Variants in CYP27B1 observed in about 807,000 individuals in gnomAD.
The protein encoded by CYP27B1 is cytochrome P450 family 27 subfamily B member 1, also known as 25-hydroxyvitamin D-1 alpha hydroxylase, mitochondrial.
Under a neutral mutation model 54.8 loss-of-function variants are expected in CYP27B1, and 46 were observed. The observed-to-expected ratio is 0.84, with a 90% confidence interval of 0.66 to 1.07. The LOEUF (loss-of-function observed/expected upper bound fraction) is 1.07, where lower values mean the gene tolerates loss of function less well. Ranked by LOEUF, CYP27B1 falls within the 50% of genes least tolerant of loss-of-function variation. The pLI, the probability that CYP27B1 is intolerant of heterozygous loss-of-function variation, is 0.00. For synonymous variants in CYP27B1, 292 were observed against 297.3 expected (o/e 0.98, Z 0.18); for missense variants, 674 against 692.2 (o/e 0.97, Z 0.30).
chr12:57,764,547 A>C lies in CYP27B1; in HGVS notation c.967T>G (p.Ser323Ala), dbSNP rs750908103. 1 of 1,614,006 alleles carries C rather than the reference A, an allele frequency of 6.2e-7. No individual in the cohort carries two copies. The highest frequency in any genetic ancestry group is 1.6e-4 in the Middle Eastern group (1 of 6,062). Reference protein sequence around the residue: ...ELLLAGVDTVSNTLSWALYEL... With the variant: ...ELLLAGVDTVANTLSWALYEL... Reference sequence around the variant, plus strand: ...TACAGAGCCCAAGAGAGCGTGTTGGACACCTGAAAAACATGTGAAAGCAAG... The same window carrying C: ...TACAGAGCCCAAGAGAGCGTGTTGGCCACCTGAAAAACATGTGAAAGCAAG... The change falls in exon 6 of 9, where the codon TCC becomes GCC. Residue 323 changes from serine to alanine, a missense_variant. Ser to Ala is a moderately conservative substitution (Grantham distance 99, BLOSUM62 1). Transcript: ENST00000228606.
Position 57,762,951 on chromosome 12 carries a change from T to C in CYP27B1, c.*191A>G, listed in dbSNP as rs1231278986. On this transcript the variant is annotated 3_prime_UTR_variant, in exon 9 of 9. Transcript: ENST00000228606. Reference sequence around the variant, plus strand: ...GCAGAGAGACCATGGTTTTCTCACCTGGCTTCCTGAGTCAGGCCAAGTGCA... The same window carrying C: ...GCAGAGAGACCATGGTTTTCTCACCCGGCTTCCTGAGTCAGGCCAAGTGCA... 1.7e-6 allele frequency: 1 copy of C among 602,760 alleles called. No homozygotes were observed. Among genetic ancestry groups the C allele is most frequent in the Non-Finnish European group, 3.1e-6 (1 of 326,254 alleles). 37.3% of individuals were successfully genotyped at this position (602,760 alleles called of 1,614,324 possible).
At position 57,765,340 on chromosome 12, in the gene CYP27B1, C is replaced by G. The variant is rs1565811350; in HGVS notation, c.546G>C (p.Leu182=). 2.5e-6 allele frequency: 4 copies of G among 1,613,488 alleles called. No individual in the cohort carries two copies. The highest frequency in any genetic ancestry group is 2.2e-5 in the East Asian group (1 of 44,864). ...QRGRGTGPPA[L]VRDVAGEFYK... ...AAAATTCCCCCGCCACGTCCCGAAC[C>G]AGGGCGGGCGGCCCCGTGCCACGTC... Residue 182 remains leucine (L), a synonymous_variant, in exon 3 of 9, where the codon CTG becomes CTC. Coordinates refer to ENST00000228606, the MANE Select transcript of CYP27B1 (RefSeq NM_000785.4). This position sits in a 1 kb window ranked among gnomAD's most constrained non-coding sequence, Gnocchi z 5.8.
chr12:57,764,584 G>A (rs748901730), intron 5 of CYP27B1, 34 bp from the exon 6 acceptor site: 16 of 1,612,176 alleles, frequency 9.9e-6, no homozygotes, highest in East Asian at 2.2e-5. Flanking sequence ...GAGGTGTTGG[G>A]TGTGAGAACC....
Position 57,763,309 on chromosome 12 carries a change from T to A in CYP27B1, c.1414-54A>T, listed in dbSNP as rs544445921. The A allele has an allele frequency of 2.1e-5, 28 of 1,325,726 alleles. No individual in the cohort carries two copies. In the South Asian group the frequency reaches 3.3e-4, roughly 15 times the overall value. The allele number at this position is 1,325,726 out of a possible 1,614,324, so 82.1% of individuals were successfully genotyped here. On this transcript the variant is annotated intron_variant, in intron 8 of 8. Coordinates refer to ENST00000228606, the MANE Select transcript of CYP27B1 (RefSeq NM_000785.4). ...ATGAAAGATATCTATAATGGGGGGA[T>A]TCATTGGTAATCCAATTGGTAAAGG...
rs758218175 is a variant in CYP27B1 at position 57,766,047 on chromosome 12, G to A, written c.346C>T (p.His116Tyr). 2 of 1,565,742 alleles carry A rather than the reference G, an allele frequency of 1.3e-6. No individual in the cohort carries two copies. Among genetic ancestry groups the A allele is most frequent in the African/African-American group, 2.7e-5 (2 of 74,390 alleles). Residue 116 changes from histidine (H) to tyrosine (Y), a missense_variant, in exon 2 of 9, where the codon CAC (histidine) becomes TAC (tyrosine). By Grantham distance (83) the His-to-Tyr change is moderately conservative (BLOSUM62 2). Transcript: ENST00000228606. Reference protein sequence around the residue: ...ERCSFSPWTEHRRCRQRACGL... With the variant: ...ERCSFSPWTEYRRCRQRACGL... Reference sequence around the variant, plus strand: ...CAAGCCCGCTGGCGGCAGCGGCGGTGCTCCGTCCAGGGCGAGAAGCTGCAG... The same window carrying A: ...CAAGCCCGCTGGCGGCAGCGGCGGTACTCCGTCCAGGGCGAGAAGCTGCAG...
At chr12:57,766,523 A>T in intron 1 of CYP27B1, 2 of 566,136 alleles carry the variant, frequency 3.5e-6, no homozygotes, top group Non-Finnish European at 6.3e-6. Flanking sequence ...AATGAAAAGG[A>T]ACCCATGTAG....
Position 57,763,135 on chromosome 12 carries a change from C to T in CYP27B1, c.*7G>A, listed in dbSNP as rs753152890. On this transcript the variant is annotated 3_prime_UTR_variant, in exon 9 of 9. Coordinates refer to ENST00000228606, the MANE Select transcript of CYP27B1 (RefSeq NM_000785.4). ...AAGGGTGATGATGACAGTCTCTTTC[C>T]ATGGGACTATCTGTCCAAAAACTGT... is the stretch of plus-strand genomic sequence containing the variant. 1.3e-6 allele frequency: 2 copies of T among 1,590,772 alleles called. No homozygotes were observed. The highest frequency in any genetic ancestry group is 1.7e-6 in the Non-Finnish European group (2 of 1,158,854).
chr12:57,766,665 T>G (rs1955364135), intron 1 of CYP27B1, among the ~76,000 whole-genome samples, 182 bp downstream of exon 1: 1 of 152,088 alleles, frequency 6.6e-6, no homozygotes, highest in Non-Finnish European at 1.5e-5. Context: ...CTGCTAAGAG[T>G]CGGGACGGGC....
chr12:57,762,980 T>A lies in CYP27B1; in HGVS notation c.*162A>T, dbSNP rs1955330236. On this transcript the variant is annotated 3_prime_UTR_variant, in exon 9 of 9. Coordinates refer to ENST00000228606, the MANE Select transcript of CYP27B1 (RefSeq NM_000785.4). ...TTCCTGAGTCAGGCCAAGTGCATAC[T>A]TCACACATTGGTCAGGGCCGCCTCA... The A allele has an allele frequency of 7.6e-6, 5 of 661,004 alleles. No individual in the cohort carries two copies. Among genetic ancestry groups the A allele is most frequent in the Non-Finnish European group, 1.4e-5 (5 of 357,244 alleles). The allele number at this position is 661,004 out of a possible 1,614,324, so 40.9% of individuals were successfully genotyped here. A position where few individuals can be genotyped will look rare whatever the true frequency, so the allele number is the denominator to read the frequency against.
At chr12:57,766,803 C>T (rs1490432469) in intron 1 of CYP27B1, 44 bp downstream of exon 1, 3 of 1,602,442 alleles carry the variant, frequency 1.9e-6, no homozygotes, top group East Asian at 2.2e-5. Context: ...CTGTCAAAAC[C>T]AGTTTCCCCA....
In CYP27B1 at chr12:57,765,976, G is replaced by T; in HGVS notation, c.386+31C>A. The T allele has an allele frequency of 2.0e-6, 3 of 1,525,580 alleles. No individual in the cohort carries two copies. Among genetic ancestry groups the T allele is most frequent in the Non-Finnish European group, 2.6e-6 (3 of 1,138,804 alleles). The allele number at this position is 1,525,580 out of a possible 1,614,324, so 94.5% of individuals were successfully genotyped here. A position where few individuals can be genotyped will look rare whatever the true frequency, so the allele number is the denominator to read the frequency against. On this transcript the variant is annotated intron_variant, in intron 2 of 8. Coordinates refer to ENST00000228606, the MANE Select transcript of CYP27B1 (RefSeq NM_000785.4). This position sits in a 1 kb window ranked among gnomAD's most constrained non-coding sequence, Gnocchi z 5.8. The stretch of plus-strand genomic sequence containing the variant: ...CAGCAGGAGAGGGCCGCTGCAGGGC[G>T]TCTGGGCTTCTGGGGGCAGAGAAGA...
rs1270564965 is a variant in CYP27B1, at chr12:57,764,262, T to C, written c.1137-86A>G. 9.0e-6 allele frequency: 14 copies of C among 1,563,854 alleles called. No homozygotes were observed. The South Asian group carries it at 1.4e-4, about 16-fold the overall frequency. ...TCATTGTTTCCAACTTCCAAACCCT[T>C]TTTGGCCAGGAGTAGAGGGCCATTT... On this transcript the variant is annotated intron_variant, in intron 6 of 8. Coordinates refer to ENST00000228606, the MANE Select transcript of CYP27B1 (RefSeq NM_000785.4).
rs1955353321 is a variant in CYP27B1 at position 57,765,569 on chromosome 12, G to A, written c.387-70C>T. 2 of 1,492,296 alleles carry A rather than the reference G, an allele frequency of 1.3e-6. No individual in the cohort carries two copies. Among genetic ancestry groups the A allele is most frequent in the African/African-American group, 1.4e-5 (1 of 72,812 alleles). 92.4% of individuals were successfully genotyped at this position (1,492,296 alleles called of 1,614,324 possible). On this transcript the variant is annotated intron_variant, in intron 2 of 8. Coordinates refer to ENST00000228606, the MANE Select transcript of CYP27B1 (RefSeq NM_000785.4). The surrounding 1 kb of genome is among the most constrained non-coding windows in gnomAD (Gnocchi z 5.8). ...CTCGACGGGACTGGCTGCAGTGAAGGAGCGCGTTCGGCTGCGGTGGCCAGG... is the reference window on the plus strand; with the variant it reads ...CTCGACGGGACTGGCTGCAGTGAAGAAGCGCGTTCGGCTGCGGTGGCCAGG...
At chr12:57,763,974 G>A in intron 7 of CYP27B1, 124 bp downstream of exon 7, 1 of 1,078,018 alleles carries the variant, frequency 9.3e-7, no homozygotes, top group Non-Finnish European at 1.4e-6. Flanking sequence ...TCCTAGAAAG[G>A]CATATCCTAG....
At chr12:57,764,676 C>T (rs755654732) in intron 5 of CYP27B1, 78 bp downstream of exon 5, 2 of 1,604,586 alleles carry the variant, frequency 1.2e-6, no homozygotes, top group Non-Finnish European at 1.7e-6. Flanking sequence ...AATGGATCCC[C>T]TGCAACAGAA....
In CYP27B1 at chr12:57,764,945, C is replaced by G. The variant is rs746253099; in HGVS notation, c.791-19G>C. 2 of 1,614,130 alleles carry G rather than the reference C, an allele frequency of 1.2e-6. No individual in the cohort carries two copies. The highest frequency in any genetic ancestry group is 3.3e-5 in the Admixed American group (2 of 60,026). ...CTCTGAGCTGCGTGGGTAGAAGGCACGTGAATACCTCGCTACCCCTGGACA... is the reference window on the plus strand; with the variant it reads ...CTCTGAGCTGCGTGGGTAGAAGGCAGGTGAATACCTCGCTACCCCTGGACA... On this transcript the variant is annotated intron_variant, in intron 4 of 8. Transcript: ENST00000228606.
chr12:57,765,421 G>T lies in CYP27B1; in HGVS notation c.465C>A (p.Ala155=). 6.2e-7 allele frequency: 1 copy of T among 1,612,772 alleles called. No individual in the cohort carries two copies. Among genetic ancestry groups the T allele is most frequent in the South Asian group, 1.1e-5 (1 of 90,792 alleles). Residue 155 remains alanine, a synonymous_variant, in exon 3 of 9, where the codon GCC becomes GCA. Transcript: ENST00000228606. This position sits in a 1 kb window ranked among gnomAD's most constrained non-coding sequence, Gnocchi z 5.8. ...CGCAGACTACGTTGTTCAGGGTTCC[G>T]GCGTAGCGGGCGGCCGCTTGAGGCC... ...LLRPQAAARY[A]GTLNNVVCDL... is the part of the protein sequence containing the mutation.
chr12:57,766,527 C>T, intron 1 of CYP27B1: 1 of 568,178 alleles, frequency 1.8e-6, no homozygotes, highest in South Asian at 2.2e-5. Context: ...AAAAGGAACC[C>T]ATGTAGCTTT....
rs1269895331 is a variant in CYP27B1 at position 57,765,667 on chromosome 12, T to C, written c.387-168A>G. ...TGCGCCTGTCTTCCAGCCCCCTTCCTCTTTACTCATTTCCTGCCCTCAGGG... is the reference window on the plus strand; with the variant it reads ...TGCGCCTGTCTTCCAGCCCCCTTCCCCTTTACTCATTTCCTGCCCTCAGGG... On this transcript the variant is annotated intron_variant, in intron 2 of 8. Transcript: ENST00000228606. This position sits in a 1 kb window ranked among gnomAD's most constrained non-coding sequence, Gnocchi z 5.8. 3.3e-6 allele frequency: 3 copies of C among 902,456 alleles called. No individual in the cohort carries two copies. The highest frequency in any genetic ancestry group is 1.6e-5 in the African/African-American group (1 of 60,762). 55.9% of individuals were successfully genotyped at this position (902,456 alleles called of 1,614,324 possible).
Sources: gnomAD v4.1 joint callset for allele counts (sites outside exome capture counted in the v4.1 genomes callset) on GRCh38, gnomAD v4.1.1 for gene constraint, Gnocchi (gnomAD v3.1) non-coding constraint, MANE v1.5 for transcripts, NCBI Gene and HGNC (gene_info 2026-07-23, HGNC 2026-07-21) for gene names.